Variants in SLF1 observed in about 807,000 individuals in gnomAD.
SLF1 encodes the protein SMC5/6 complex localization factor 1, also known as SMC5-SMC6 complex localization factor protein 1.
A neutral mutation model predicts 123.0 loss-of-function variants in SLF1; 105 were observed. The observed-to-expected ratio is 0.85, with a 90% CI of 0.73 to 1.00. SLF1 has a LOEUF of 1.00. Ranked by LOEUF, SLF1 falls within the 50% of genes least tolerant of loss-of-function variation. The pLI, the probability that SLF1 is intolerant of heterozygous loss-of-function variation, is 0.00. For synonymous variants in SLF1, 434 were observed against 406.6 expected (o/e 1.07, Z -0.81); for missense variants, 1,239 against 1,223.0 (o/e 1.01, Z -0.20).
rs1325254014 is a variant in SLF1 at position 94,628,830 on chromosome 5, A to T, written c.20A>T (p.Lys7Met). ...TGTTAGATGGAAGATGGTACCCCAA[A>T]GCATATCATCCAGATGACAGGATTT... is the stretch of plus-strand genomic sequence containing the variant. MEDGTP[K>M]HIIQMTGFKM... is the part of the protein sequence containing the mutation. Residue 7 changes from lysine (K) to methionine (M), a missense_variant, in exon 2 of 21, where the codon AAG becomes ATG. Transcript: ENST00000265140. The T allele has an allele frequency of 2.6e-6, 4 of 1,546,404 alleles. No homozygotes were observed. In the African/African-American group the frequency reaches 5.5e-5, roughly 21 times the overall value.
chr5:94,653,938 A>G (rs796576956), intron 8 of SLF1, among the ~76,000 whole-genome samples: 10 of 152,092 alleles, frequency 6.6e-5, no homozygotes, highest in African/African-American at 1.9e-4. Context: ...TGGGAGGCCA[A>G]CGGGGCAGAT....
intron 9 of SLF1, among the ~76,000 whole-genome samples, chr5:94,655,245 A>G (rs373056419): frequency 1.4e-4 from 22 of 152,088 alleles, no homozygotes; most frequent in Non-Finnish European, 2.8e-4. Context: ...TTTGCTTTAA[A>G]TATGTGGATT....
At chr5:94,680,759 C>T (rs1052340277) in intron 15 of SLF1, among the ~76,000 whole-genome samples, 2 of 152,182 alleles carry the variant, frequency 1.3e-5, no homozygotes, top group African/African-American at 2.4e-5. Context: ...ATGCTTTCTT[C>T]ACTAATATTC....
chr5:94,678,712 G>A, intron 14 of SLF1, 96 bp from the exon 15 acceptor site: 1 of 1,082,674 alleles, frequency 9.2e-7, no homozygotes. Context: ...TTTTTAAATA[G>A]CTATGTTTTG....
intron 4 of SLF1, among the ~76,000 whole-genome samples, chr5:94,631,299 G>A (rs910783330): frequency 6.6e-6 from 1 of 151,604 alleles, no homozygotes; most frequent in Non-Finnish European, 1.5e-5. Flanking sequence ...ACAAATTAAG[G>A]GTATATTTTG....
At chr5:94,637,762 G>A (rs1285489150) in intron 4 of SLF1, among the ~76,000 whole-genome samples, 2 of 151,986 alleles carry the variant, frequency 1.3e-5, no homozygotes, top group African/African-American at 4.8e-5. Context: ...GTGTGTTAAG[G>A]CTGTACTGAA....
Position 94,628,871 on chromosome 5 carries a change from G to A in SLF1, c.61G>A (p.Glu21Lys), listed in dbSNP as rs1243242688. 5.8e-6 allele frequency: 9 copies of A among 1,550,150 alleles called. No individual in the cohort carries two copies. Among genetic ancestry groups the A allele is most frequent in the African/African-American group, 1.4e-5 (1 of 72,964 alleles). ...QMTGFKMEEK[E>K]ALVKLLLKLD... Reference sequence around the variant, plus strand: ...GACAGGATTTAAGATGGAAGAAAAAGAAGCGCTAGTCAAATTACTTTTAAA... The same window carrying A: ...GACAGGATTTAAGATGGAAGAAAAAAAAGCGCTAGTCAAATTACTTTTAAA... The change falls in exon 2 of 21, where the codon GAA becomes AAA. Residue 21 changes from glutamate to lysine, a missense_variant. Glu to Lys is a moderately conservative substitution (Grantham distance 56, BLOSUM62 1). Transcript: ENST00000265140.
chr5:94,674,037 T>C (rs1269543917), intron 14 of SLF1, among the ~76,000 whole-genome samples: 3 of 152,218 alleles, frequency 2.0e-5, no homozygotes, highest in Non-Finnish European at 2.9e-5. Context: ...TTAGACCTCA[T>C]TGCCAATTGA....
At chr5:94,636,710 A>ATTTTTTTT (rs140191160) in intron 4 of SLF1, among the ~76,000 whole-genome samples, 23 of 75,476 alleles carry the variant, frequency 3.0e-4, no homozygotes, top group African/African-American at 6.0e-4. Flanking sequence ...TATTTTACTG[A>ATTTTTTTT]TTTTTTTTTT....
intron 14 of SLF1, among the ~76,000 whole-genome samples, chr5:94,672,095 C>T (rs1041853775): frequency 6.6e-5 from 10 of 152,120 alleles, no homozygotes; most frequent in African/African-American, 1.7e-4. Context: ...CCTTCTGAAT[C>T]GACTTTGTTG....
At chr5:94,675,926 T>A (rs1461659846) in intron 14 of SLF1, among the ~76,000 whole-genome samples, 7 of 148,458 alleles carry the variant, frequency 4.7e-5, no homozygotes, top group East Asian at 1.9e-4. Flanking sequence ...TTTTTTTTTT[T>A]AAATGTTGTT....
At chr5:94,678,978 T>C (rs746775332) in intron 15 of SLF1, 23 bp downstream of exon 15, 3 of 1,607,958 alleles carry the variant, frequency 1.9e-6, no homozygotes, top group Non-Finnish European at 2.5e-6. Flanking sequence ...ATGTTCTGTT[T>C]TTTTCAGACC....
At chr5:94,649,360 C>A in intron 5 of SLF1, 94 bp from the exon 6 acceptor site, 1 of 1,055,264 alleles carries the variant, frequency 9.5e-7, no homozygotes, top group Non-Finnish European at 1.3e-6. Context: ...GTTTGACTAA[C>A]AAAGTATTAT....
intron 1 of SLF1, among the ~76,000 whole-genome samples, chr5:94,621,678 T>C (rs992770846): frequency 1.3e-5 from 2 of 152,190 alleles, no homozygotes; most frequent in Admixed American, 1.3e-4. Flanking sequence ...CAGTACTGGA[T>C]AGATTGGACA....
intron 4 of SLF1, among the ~76,000 whole-genome samples, chr5:94,637,224 G>GT (rs1388396409): frequency 2.0e-5 from 3 of 152,134 alleles, no homozygotes; most frequent in African/African-American, 7.2e-5. Flanking sequence ...GAATTTCACT[G>GT]TTTAGTGATC....
intron 4 of SLF1, among the ~76,000 whole-genome samples, chr5:94,639,203 C>T (rs1746172956): frequency 6.6e-6 from 1 of 151,904 alleles, no homozygotes; most frequent in Non-Finnish European, 1.5e-5. Flanking sequence ...CCATGCTCGA[C>T]TAATTTTTCT....
At chr5:94,680,295 CTT>C (rs960714544) in intron 15 of SLF1, among the ~76,000 whole-genome samples, 17 of 152,194 alleles carry the variant, frequency 1.1e-4, no homozygotes, top group African/African-American at 4.1e-4. Context: ...CATTTTATCT[CTT>C]TTATTTTTTT....
intron 4 of SLF1, among the ~76,000 whole-genome samples, chr5:94,632,536 T>A (rs1448869399): frequency 6.6e-6 from 1 of 152,202 alleles, no homozygotes; most frequent in East Asian, 1.9e-4. Flanking sequence ...TGTCTTATAG[T>A]TCTCATTATA....
chr5:94,675,033 C>T (rs1386099381), intron 14 of SLF1, among the ~76,000 whole-genome samples: 1 of 152,192 alleles, frequency 6.6e-6, no homozygotes, highest in African/African-American at 2.4e-5. Flanking sequence ...GTTTCAAATG[C>T]CAGTGTTTAA....
Sources: gnomAD v4.1 joint callset for allele counts (sites outside exome capture counted in the v4.1 genomes callset) on GRCh38, gnomAD v4.1.1 for gene constraint, MANE v1.5 for transcripts, NCBI Gene and HGNC (gene_info 2026-07-23, HGNC 2026-07-21) for gene names.